Variants in NLGN4X observed in about 807,000 individuals in gnomAD.
NLGN4X encodes neuroligin-4, X-linked.
A neutral mutation model predicts 40.3 loss-of-function variants in NLGN4X; 3 were observed. That is an observed-to-expected ratio of 0.07 (90% CI 0.03 to 0.19). The LOEUF is 0.19. NLGN4X is among the 10% of genes least tolerant of loss of function. NLGN4X has a pLI of 1.00. For synonymous variants in NLGN4X, 270 were observed against 306.8 expected, an observed-to-expected ratio of 0.88 and a Z score of 1.25; for missense variants, 382 against 708.3, an observed-to-expected ratio of 0.54 and a Z score of 5.23.
In NLGN4X at chrX:6,226,474, C is replaced by A. The variant is rs912659258; in HGVS notation, c.-306+2067G>T. On this transcript the variant is annotated intron_variant, in intron 1 of 5. Coordinates refer to ENST00000381095, the MANE Select transcript of NLGN4X (RefSeq NM_181332.3). ...GGTTGGCCTGACCCCCCTGCTCCCGCCCCCGCCGCTCCGGGAAGAAAGGGC... is the reference window on the plus strand; with the variant it reads ...GGTTGGCCTGACCCCCCTGCTCCCGACCCCGCCGCTCCGGGAAGAAAGGGC... Among the ~76,000 whole-genome samples, 3 of 111,394 alleles carry A rather than the reference C, an allele frequency of 2.7e-5. No homozygotes were observed. The South Asian group carries it at 1.1e-3, about 43-fold the overall frequency.
At chrX:5,941,181 GTGT>G (rs1185960720) in intron 3 of NLGN4X, among the ~76,000 whole-genome samples, 1 of 18,091 alleles carries the variant, frequency 5.5e-5, no homozygotes. Flanking sequence ...ATGCTAGGGG[GTGT>G]GTGTGTGTGT....
intron 3 of NLGN4X, among the ~76,000 whole-genome samples, chrX:5,915,386 G>A (rs761739982): frequency 1.8e-5 from 2 of 111,641 alleles, no homozygotes; most frequent in Admixed American, 1.9e-4. Context: ...AACTGAAATT[G>A]ATCATATTTT....
intron 1 of NLGN4X, among the ~76,000 whole-genome samples, chrX:6,165,698 G>A (rs949451620): frequency 1.8e-5 from 2 of 111,227 alleles, no homozygotes; most frequent in Non-Finnish European, 3.8e-5. Context: ...TACTACACAT[G>A]CAGGTTTTTT....
At chrX:6,129,321 C>T (rs1273227637) in intron 2 of NLGN4X, among the ~76,000 whole-genome samples, 2 of 111,719 alleles carry the variant, frequency 1.8e-5, no homozygotes, top group Non-Finnish European at 3.8e-5. Context: ...TAGAGTACTA[C>T]TAGCCATGCA....
At chrX:6,021,439 G>A (rs1014388428) in intron 3 of NLGN4X, among the ~76,000 whole-genome samples, 1 of 110,449 alleles carries the variant, frequency 9.1e-6, no homozygotes, top group Non-Finnish European at 1.9e-5. Flanking sequence ...AGGTCCTAAT[G>A]ACAAAGCACT....
intron 5 of NLGN4X, among the ~76,000 whole-genome samples, chrX:5,898,825 T>C (rs1601848228): frequency 8.9e-6 from 1 of 112,213 alleles, no homozygotes. Context: ...GCTCACACCA[T>C]GACAGCAGAT....
intron 2 of NLGN4X, among the ~76,000 whole-genome samples, chrX:6,146,234 C>T (rs905413787): frequency 8.9e-6 from 1 of 112,099 alleles, no homozygotes; most frequent in Non-Finnish European, 1.9e-5. Flanking sequence ...ACAACAGCAA[C>T]GATTGACACC....
At chrX:6,064,436 C>T (rs949397068) in intron 2 of NLGN4X, among the ~76,000 whole-genome samples, 1 of 111,636 alleles carries the variant, frequency 9.0e-6, no homozygotes, top group Admixed American at 9.6e-5. Flanking sequence ...TTTTCCTCCC[C>T]GCCCGCTGGG....
At chrX:6,140,448 TCACACACAGACACACACACA>T (rs1422819201) in intron 2 of NLGN4X, among the ~76,000 whole-genome samples, 1 of 70,115 alleles carries the variant, frequency 1.4e-5, no homozygotes, top group Non-Finnish European at 2.6e-5. Context: ...TCAATAGCAT[TCACACACAGACACACACACA>T]CACACACACA....
At chrX:5,955,607 A>C (rs1421586546) in intron 3 of NLGN4X, among the ~76,000 whole-genome samples, 2 of 111,098 alleles carry the variant, frequency 1.8e-5, no homozygotes, top group Non-Finnish European at 3.8e-5. Flanking sequence ...ATAGTAATGT[A>C]ACATAATACA....
chrX:5,929,758 A>C (rs1030213827), intron 3 of NLGN4X, among the ~76,000 whole-genome samples: 1 of 112,465 alleles, frequency 8.9e-6, no homozygotes, highest in African/African-American at 3.2e-5. Flanking sequence ...CAAAGAGTGC[A>C]CTTCATTTAA....
chrX:6,017,046 T>A (rs187710936), intron 3 of NLGN4X, among the ~76,000 whole-genome samples: 1 of 111,587 alleles, frequency 9.0e-6, no homozygotes, highest in East Asian at 2.8e-4. Flanking sequence ...GGTGTCACAA[T>A]GTTGTGCATA....
Position 6,070,722 on chromosome X carries a change from G to A in NLGN4X, c.473-41290C>T, listed in dbSNP as rs559971329. ...AAGGAAAGAGGTTTAATTGACCTCC[G>A]CATGGCATGGGGGGCCTCAGGAAAC... On this transcript the variant is annotated intron_variant, in intron 2 of 5. Transcript: ENST00000381095. Among the ~76,000 whole-genome samples the A allele has an allele frequency of 1.0e-3, 117 of 112,082 alleles. 1 individual carries two copies. Among genetic ancestry groups the A allele is most frequent in the Admixed American group, 3.6e-3 (38 of 10,553 alleles).
rs904282407 is a variant in NLGN4X at position 5,991,661 on chromosome X, T to A, written c.625+37619A>T. On this transcript the variant is annotated intron_variant, in intron 3 of 5. Coordinates refer to ENST00000381095, the MANE Select transcript of NLGN4X (RefSeq NM_181332.3). Reference sequence around the variant, plus strand: ...TTACATCCATCAGTGCTAATAACAGTAAACAAGTGTGAATGATGCCAACAC... The same window carrying A: ...TTACATCCATCAGTGCTAATAACAGAAAACAAGTGTGAATGATGCCAACAC... 4 of 373,765 alleles carry A rather than the reference T, an allele frequency of 1.1e-5. No individual in the cohort carries two copies. In the Admixed American group the frequency reaches 1.6e-4, roughly 15 times the overall value. The allele number at this position is 373,765 out of a possible 1,213,427, so 30.8% of individuals were successfully genotyped here. A position where few individuals can be genotyped will look rare whatever the true frequency, so the allele number is the denominator to read the frequency against.
chrX:6,042,976 T>G (rs1316255707), intron 2 of NLGN4X, among the ~76,000 whole-genome samples: 2 of 105,937 alleles, frequency 1.9e-5, no homozygotes, highest in Non-Finnish European at 3.9e-5. Flanking sequence ...CTTGGGAGAC[T>G]GAGGCACAAG....
rs769930672 is a variant in NLGN4X, at chrX:5,893,379, G to T, written c.1889C>A (p.Ala630Asp). ...GCGTTTGGTGGTTGGCCATATCTTG[G>T]CGGGAGATCGCCGGGTGCCATAGGG... is the stretch of plus-strand genomic sequence containing the variant. ...SFPYGTRRSP[A>D]KIWPTTKRPA... Residue 630 changes from alanine (A) to aspartate (D), a missense_variant, in exon 6 of 6, where the codon GCC becomes GAC. By Grantham distance (126) the Ala-to-Asp change is moderately radical. Around this residue, in one of 5 missense-constraint regions of NLGN4X, gnomAD observed 149 missense variants for 375.8 expected, o/e 0.40. Transcript: ENST00000381095. 9.1e-6 allele frequency: 11 copies of T among 1,208,133 alleles called. No individual in the cohort carries two copies. Among genetic ancestry groups the T allele is most frequent in the Non-Finnish European group, 1.1e-6 (1 of 894,775 alleles).
intron 3 of NLGN4X, among the ~76,000 whole-genome samples, chrX:5,945,159 A>G (rs934937455): frequency 1.8e-5 from 2 of 111,867 alleles, no homozygotes; most frequent in African/African-American, 6.5e-5. Context: ...GTAATGATAA[A>G]TACCAAGAAG....
chrX:6,090,430 T>C (rs1289156137), intron 2 of NLGN4X, among the ~76,000 whole-genome samples: 1 of 111,509 alleles, frequency 9.0e-6, no homozygotes, highest in Non-Finnish European at 1.9e-5. Context: ...TTTAATTTTC[T>C]TTGATCTGAA....
At chrX:6,189,883 T>C (rs1028173697) in intron 1 of NLGN4X, among the ~76,000 whole-genome samples, 1 of 108,829 alleles carries the variant, frequency 9.2e-6, no homozygotes, top group African/African-American at 3.4e-5. Context: ...AAAAAGAAAA[T>C]GGAAAAAAAG....
Sources: gnomAD v4.1 joint callset for allele counts (sites outside exome capture counted in the v4.1 genomes callset) on GRCh38, gnomAD v4.1.1 for gene constraint, gnomAD v4.1.1 regional missense constraint, MANE v1.5 for transcripts, NCBI Gene and HGNC (gene_info 2026-07-23, HGNC 2026-07-21) for gene names.